Variants in PDAP1 observed in about 807,000 individuals in gnomAD.
PDAP1 encodes 28 kDa heat- and acid-stable phosphoprotein.
Under a neutral mutation model 28.0 loss-of-function variants are expected in PDAP1, and 13 were observed. The observed-to-expected ratio is 0.46, with a 90% confidence interval of 0.30 to 0.74. PDAP1 has a LOEUF of 0.74. PDAP1 is among the 30% of genes least tolerant of loss of function. The pLI is 0.07. For missense variants in PDAP1, 150 were observed against 230.0 expected, an observed-to-expected ratio of 0.65 and a Z score of 2.25; for synonymous variants, 77 against 85.1, an observed-to-expected ratio of 0.91 and a Z score of 0.52.
chr7:99,407,979 G>A (rs1160725868), intron 1 of PDAP1, among the ~76,000 whole-genome samples: 2 of 152,158 alleles, frequency 1.3e-5, no homozygotes, highest in African/African-American at 2.4e-5. Flanking sequence ...TAAGAGGTAG[G>A]TACAATCGTT....
At chr7:99,397,230 T>C in intron 5 of PDAP1, among the ~76,000 whole-genome samples, 1 of 152,142 alleles carries the variant, frequency 6.6e-6, no homozygotes, top group East Asian at 1.9e-4. Flanking sequence ...TGCTTCCTCA[T>C]GGTCTGGTGA....
At chr7:99,408,454 A>G in intron 1 of PDAP1, 82 bp downstream of exon 1, 1 of 1,244,998 alleles carries the variant, frequency 8.0e-7, no homozygotes, top group Non-Finnish European at 1.0e-6. Context: ...GCTCTCAGAG[A>G]CGCGCACGGG....
chr7:99,400,151 C>T (rs1176143518), intron 4 of PDAP1, 152 bp downstream of exon 4: 7 of 768,960 alleles, frequency 9.1e-6, no homozygotes, highest in Non-Finnish European at 1.3e-5. Flanking sequence ...AAAACAAATT[C>T]TGTGTGGCTT....
At chr7:99,405,028 C>G in intron 1 of PDAP1, 75 bp from the exon 2 acceptor site, 2 of 1,094,514 alleles carry the variant, frequency 1.8e-6, no homozygotes, top group Non-Finnish European at 2.8e-6. Flanking sequence ...CTGTGTCCTG[C>G]TTGGAGTACT....
At chr7:99,405,777 A>G (rs553796150) in intron 1 of PDAP1, among the ~76,000 whole-genome samples, 72 of 152,214 alleles carry the variant, frequency 4.7e-4, no homozygotes, top group Non-Finnish European at 9.6e-4. Flanking sequence ...CACGAAGTTT[A>G]GAGTCCAACT....
chr7:99,394,807 T>C lies in PDAP1; in HGVS notation c.*1875A>G, dbSNP rs1181726094. 6 of 1,174,116 alleles carry C rather than the reference T, an allele frequency of 5.1e-6. No individual in the cohort carries two copies. Among genetic ancestry groups the C allele is most frequent in the Non-Finnish European group, 6.4e-6 (6 of 940,290 alleles). 72.7% of individuals were successfully genotyped at this position (1,174,116 alleles called of 1,614,324 possible). ...AAAAAAAAAAAAAAAAAAAAGTAAT[T>C]ATGGACATGCTTGCCTATGTGGAAG... On this transcript the variant is annotated 3_prime_UTR_variant, in exon 6 of 6. Transcript: ENST00000350498.
intron 1 of PDAP1, among the ~76,000 whole-genome samples, chr7:99,408,178 C>T (rs541768968): frequency 6.6e-6 from 1 of 152,306 alleles, no homozygotes; most frequent in East Asian, 1.9e-4. Flanking sequence ...ACGCGAGAGG[C>T]AGGCGGGCCC....
chr7:99,401,395 C>T (rs1794863477), intron 3 of PDAP1, among the ~76,000 whole-genome samples: 1 of 152,158 alleles, frequency 6.6e-6, no homozygotes, highest in African/African-American at 2.4e-5. Flanking sequence ...ATGGCACAAT[C>T]TCGGCTCACC....
chr7:99,402,384 T>C (rs1794886602), intron 3 of PDAP1, among the ~76,000 whole-genome samples: 1 of 151,200 alleles, frequency 6.6e-6, no homozygotes, highest in Non-Finnish European at 1.5e-5. Flanking sequence ...AGTGGGAGGA[T>C]TACTTGAGCC....
intron 1 of PDAP1, among the ~76,000 whole-genome samples, chr7:99,407,477 T>C (rs1326380029): frequency 1.3e-5 from 2 of 152,178 alleles, no homozygotes; most frequent in Non-Finnish European, 2.9e-5. Flanking sequence ...TGCCCAATTA[T>C]CTCTGGAGTC....
rs1359626189 is a variant in PDAP1, at chr7:99,396,600, C to A, written c.*82G>T. The A allele has an allele frequency of 1.6e-5, 19 of 1,211,658 alleles. No homozygotes were observed. The East Asian group carries it at 4.5e-4, about 29-fold the overall frequency. 75.1% of individuals were successfully genotyped at this position (1,211,658 alleles called of 1,614,324 possible). On this transcript the variant is annotated 3_prime_UTR_variant, in exon 6 of 6. Transcript: ENST00000350498. ...GCCATGAGGGGCTGTTGCAGCGGCG[C>A]CAGGGCACAGGGTGGGCGAGACACA...
intron 2 of PDAP1, among the ~76,000 whole-genome samples, chr7:99,404,425 CA>C (rs1375045024): frequency 2.0e-5 from 3 of 152,126 alleles, no homozygotes; most frequent in African/African-American, 2.4e-5. Context: ...AGAGGCTAAA[CA>C]ACGTCTCCAG....
chr7:99,396,593 AGCG>A lies in PDAP1; in HGVS notation c.*86_*88del. ...GCTCCTGGCCATGAGGGGCTGTTGC[AGCG>A]GCGCCAGGGCACAGGGTGGGCGAGA... On this transcript the variant is annotated 3_prime_UTR_variant, in exon 6 of 6. Transcript: ENST00000350498. 1.1e-6 allele frequency: 1 copy of A among 925,672 alleles called. No individual in the cohort carries two copies. Among genetic ancestry groups the A allele is most frequent in the East Asian group, 3.8e-5 (1 of 26,362 alleles). The allele number at this position is 925,672 out of a possible 1,614,324, so 57.3% of individuals were successfully genotyped here.
At chr7:99,401,504 T>C (rs962608492) in intron 3 of PDAP1, among the ~76,000 whole-genome samples, 1 of 152,090 alleles carries the variant, frequency 6.6e-6, no homozygotes, top group South Asian at 2.1e-4. Context: ...TTTGTATTTT[T>C]AGTAGAGACA....
At chr7:99,400,488 C>T (rs1584419726) in intron 3 of PDAP1, 64 bp from the exon 4 acceptor site, 4 of 1,595,930 alleles carry the variant, frequency 2.5e-6, no homozygotes, top group Middle Eastern at 1.7e-4. Context: ...AGGGCCACTC[C>T]TGCCATCTCT....
chr7:99,397,937 C>T lies in PDAP1; in HGVS notation c.412G>A (p.Ala138Thr). 1 of 1,614,226 alleles carries T rather than the reference C, an allele frequency of 6.2e-7. No individual in the cohort carries two copies. Among genetic ancestry groups the T allele is most frequent in the Non-Finnish European group, 8.5e-7 (1 of 1,180,054 alleles). ...HLAGKTEQAK[A>T]DLARLAIIRK... is the part of the protein sequence containing the mutation. ...ATGATGGCCAGCCGGGCCAGGTCAG[C>T]CTTGGCTTGCTCTGTCTTCCCGGCC... The change falls in exon 5 of 6, where the codon GCT (alanine) becomes ACT (threonine). Residue 138 changes from alanine to threonine, a missense_variant. Transcript: ENST00000350498.
intron 3 of PDAP1, among the ~76,000 whole-genome samples, chr7:99,400,893 C>T (rs1425321286): frequency 2.0e-5 from 3 of 152,112 alleles, no homozygotes; most frequent in Non-Finnish European, 4.4e-5. Flanking sequence ...GGACTTGTAA[C>T]CCAAGAATAA....
At chr7:99,397,723 C>T in intron 5 of PDAP1, 139 bp downstream of exon 5, 1 of 1,006,722 alleles carries the variant, frequency 9.9e-7, no homozygotes, top group Non-Finnish European at 1.4e-6. Context: ...GAGGGTGGCC[C>T]TCTCCTGAAC....
At chr7:99,406,191 G>A (rs2150908237) in intron 1 of PDAP1, among the ~76,000 whole-genome samples, 1 of 152,318 alleles carries the variant, frequency 6.6e-6, no homozygotes, top group Non-Finnish European at 1.5e-5. Flanking sequence ...AGAGGTTGCA[G>A]TAGCCGAGAT....
Sources: allele counts gnomAD v4.1 joint callset (sites outside exome capture counted in the v4.1 genomes callset), GRCh38; gene constraint gnomAD v4.1.1; transcripts MANE v1.5; gene names NCBI Gene and HGNC (gene_info 2026-07-23, HGNC 2026-07-21).